PDS5B: variants seen among roughly 807,000 people sequenced by gnomAD.
The protein encoded by PDS5B is sister chromatid cohesion protein PDS5 homolog B.
PDS5B carries 51 observed loss-of-function variants against 184.1 expected under a neutral mutation model. The observed-to-expected ratio is 0.28, with a 90% CI of 0.22 to 0.35. The LOEUF (loss-of-function observed/expected upper bound fraction) is 0.35, where lower values mean the gene tolerates loss of function less well. Ranked by LOEUF, PDS5B falls within the 10% of genes least tolerant of loss-of-function variation. PDS5B has a pLI of 1.00. For missense variants in PDS5B, 1,180 were observed against 1,723.3 expected (o/e 0.68, Z 5.58); for synonymous variants, 566 against 569.2 (o/e 0.99, Z 0.08).
At chr13:32,663,359 A>G (rs960026598) in intron 6 of PDS5B, among the ~76,000 whole-genome samples, 2 of 152,108 alleles carry the variant, frequency 1.3e-5, no homozygotes, top group Non-Finnish European at 2.9e-5. Context: ...TTGATTCCCA[A>G]TATAAAATAG....
intron 30 of PDS5B, 65 bp downstream of exon 30, chr13:32,760,785 T>G: frequency 7.0e-7 from 1 of 1,431,534 alleles, no homozygotes; most frequent in Non-Finnish European, 9.6e-7. Context: ...AGATCTGAAA[T>G]AATATAATCC....
intron 1 of PDS5B, among the ~76,000 whole-genome samples, chr13:32,593,005 A>G (rs969772985): frequency 6.6e-6 from 1 of 152,074 alleles, no homozygotes. Flanking sequence ...AAAATACACA[A>G]TTCATTATTT....
intron 3 of PDS5B, among the ~76,000 whole-genome samples, chr13:32,654,708 G>T (rs9596032): frequency 0.37 from 56,184 of 151,828 alleles, 10,995 homozygotes; most frequent in Non-Finnish European, 0.44. Flanking sequence ...TCAAGAAGAT[G>T]CTGGTGTCTG....
chr13:32,622,436 T>C (rs924161115), intron 1 of PDS5B, among the ~76,000 whole-genome samples: 3 of 152,172 alleles, frequency 2.0e-5, no homozygotes, highest in African/African-American at 4.8e-5. Flanking sequence ...TTTAATTTGT[T>C]GAGACATGGG....
chr13:32,681,830 G>A (rs1276910691), intron 10 of PDS5B, among the ~76,000 whole-genome samples: 4 of 151,970 alleles, frequency 2.6e-5, no homozygotes, highest in African/African-American at 9.7e-5. Context: ...CCCTTTTTAA[G>A]CAAATAATTT....
intron 1 of PDS5B, among the ~76,000 whole-genome samples, chr13:32,605,584 AG>A (rs1442881402): frequency 6.6e-6 from 1 of 152,186 alleles, no homozygotes; most frequent in Admixed American, 6.5e-5. Flanking sequence ...GATGTCTGTT[AG>A]GTCTGCTTGG....
intron 19 of PDS5B, 44 bp downstream of exon 19, chr13:32,710,150 A>C: frequency 7.8e-7 from 1 of 1,278,484 alleles, no homozygotes; most frequent in East Asian, 2.6e-5. Context: ...CATCAGAAAC[A>C]TAATTATTTC....
At chr13:32,715,704 G>A (rs1473254457) in intron 19 of PDS5B, among the ~76,000 whole-genome samples, 1 of 151,960 alleles carries the variant, frequency 6.6e-6, no homozygotes, top group African/African-American at 2.4e-5. Flanking sequence ...TCCCTCTGAT[G>A]CTGAGCCAAA....
At chr13:32,608,488 CG>C (rs1435436946) in intron 1 of PDS5B, among the ~76,000 whole-genome samples, 2 of 152,074 alleles carry the variant, frequency 1.3e-5, no homozygotes, top group Non-Finnish European at 2.9e-5. Context: ...ATATTTTTAA[CG>C]AATTGTAGGA....
At chr13:32,755,411 A>G (rs1954138575) in intron 25 of PDS5B, among the ~76,000 whole-genome samples, 1 of 152,162 alleles carries the variant, frequency 6.6e-6, no homozygotes, top group Non-Finnish European at 1.5e-5. Context: ...ATTGACTCTG[A>G]AAAATACTAG....
intron 1 of PDS5B, among the ~76,000 whole-genome samples, chr13:32,592,778 G>A (rs1434415854): frequency 6.6e-6 from 1 of 152,106 alleles, no homozygotes; most frequent in African/African-American, 2.4e-5. Context: ...GATAAGTGGG[G>A]TCCCTTTCTA....
intron 31 of PDS5B, among the ~76,000 whole-genome samples, chr13:32,768,671 T>A (rs1954664351): frequency 6.6e-6 from 1 of 151,422 alleles, no homozygotes; most frequent in African/African-American, 2.4e-5. Flanking sequence ...CACATGCCTC[T>A]AGTCCCAGCT....
chr13:32,658,596 A>G, intron 5 of PDS5B, 65 bp downstream of exon 5: 1 of 758,596 alleles, frequency 1.3e-6, no homozygotes, highest in Non-Finnish European at 2.2e-6. Context: ...TTGTAGGTGA[A>G]TCTGCATAAA....
intron 13 of PDS5B, 83 bp from the exon 14 acceptor site, chr13:32,694,140 A>G (rs1951632302): frequency 3.3e-6 from 3 of 909,912 alleles, no homozygotes; most frequent in Non-Finnish European, 1.7e-6. Context: ...TTATAATTTG[A>G]ACCTTAAATT....
At chr13:32,661,385 C>CAAAAAAAAA (rs747985772) in intron 6 of PDS5B, among the ~76,000 whole-genome samples, 9 of 32,002 alleles carry the variant, frequency 2.8e-4, no homozygotes, top group Admixed American at 5.6e-4. Flanking sequence ...GACTCTGTCT[C>CAAAAAAAAA]AAAAAAAAAA....
chr13:32,766,932 G>T (rs1173707988), intron 31 of PDS5B, among the ~76,000 whole-genome samples: 1 of 152,072 alleles, frequency 6.6e-6, no homozygotes, highest in African/African-American at 2.4e-5. Context: ...AAAATAAGAA[G>T]TGACATTTTA....
chr13:32,705,442 A>G (rs1214905702), intron 17 of PDS5B, among the ~76,000 whole-genome samples: 1 of 152,176 alleles, frequency 6.6e-6, no homozygotes, highest in African/African-American at 2.4e-5. Context: ...AGAGATGATC[A>G]ATTTAAGGGG....
rs71194534 is a variant in PDS5B, at chr13:32,750,847, C to CTGTGTGTGTGTGTGTG, written c.2737-2459_2737-2444dup. Among the ~76,000 whole-genome samples, 274 of 143,522 alleles carry CTGTGTGTGTGTGTGTG rather than the reference C, an allele frequency of 1.9e-3. 5 individuals carry two copies. The highest frequency in any genetic ancestry group is 5.1e-3 in the African/African-American group (195 of 38,336). The allele number at this position is 143,522 out of a possible 152,430, so 94.2% of individuals were successfully genotyped here. A position where few individuals can be genotyped will look rare whatever the true frequency, so the allele number is the denominator to read the frequency against. On this transcript the variant is annotated intron_variant, in intron 24 of 34. Transcript: ENST00000315596. Reference sequence around the variant, plus strand: ...GTGAGCCACTGCGCCCGGCCTCCCTCTGTGTGTGTGTGTGTGTGTGTGTGT... The same window carrying CTGTGTGTGTGTGTGTG: ...GTGAGCCACTGCGCCCGGCCTCCCTCTGTGTGTGTGTGTGTGTGTGTGTGTGTGTGTGTGTGTGTGT...
chr13:32,675,279 G>A (rs1355368654), intron 8 of PDS5B, among the ~76,000 whole-genome samples: 2 of 152,076 alleles, frequency 1.3e-5, no homozygotes, highest in African/African-American at 4.8e-5. Context: ...CATCCTTAGG[G>A]TGCCCCCAAT....
Sources: allele counts gnomAD v4.1 joint callset (sites outside exome capture counted in the v4.1 genomes callset), GRCh38; gene constraint gnomAD v4.1.1; transcripts MANE v1.5; gene names NCBI Gene and HGNC (gene_info 2026-07-23, HGNC 2026-07-21).